NUP42: variants seen among roughly 807,000 people sequenced by gnomAD.
The protein encoded by NUP42 is nucleoporin NUP42.
Under a neutral mutation model 35.9 loss-of-function variants are expected in NUP42, and 47 were observed. The observed-to-expected ratio is 1.31, with a 90% CI of 1.04 to 1.67. NUP42 has a LOEUF of 1.67. Ranked by LOEUF, NUP42 falls within the 40% of genes most tolerant of loss-of-function variation. The pLI, the probability that NUP42 is intolerant of heterozygous loss-of-function variation, is 0.00. For missense variants in NUP42, 514 were observed against 492.2 expected (o/e 1.04, Z -0.42); for synonymous variants, 173 against 173.3 (o/e 1.00, Z 0.01).
chr7:23,190,509 A>C (rs904720876), intron 3 of NUP42, among the ~76,000 whole-genome samples: 1 of 152,236 alleles, frequency 6.6e-6, no homozygotes, highest in East Asian at 1.9e-4. Flanking sequence ...GTAATTATCA[A>C]TGTAAGTAAC....
intron 1 of NUP42, among the ~76,000 whole-genome samples, chr7:23,184,621 T>C (rs1785528118): frequency 6.6e-6 from 1 of 152,218 alleles, no homozygotes; most frequent in East Asian, 1.9e-4. Context: ...AATGAAGAGA[T>C]TGTCATTTAA....
In NUP42 at chr7:23,200,641, A is replaced by G; in HGVS notation, c.1168A>G (p.Arg390Gly). 6.2e-7 allele frequency: 1 copy of G among 1,613,954 alleles called. No homozygotes were observed. The highest frequency in any genetic ancestry group is 8.5e-7 in the Non-Finnish European group (1 of 1,179,904). Residue 390 changes from arginine to glycine, a missense_variant, in exon 7 of 7, where the codon AGA (arginine) becomes GGA (glycine). Coordinates refer to ENST00000258742, the MANE Select transcript of NUP42 (RefSeq NM_007342.3). ...AACAGATAATGTGTTATTCACACCC[A>G]GAGATAAACTAACAGTAGAAGAACT... is the stretch of plus-strand genomic sequence containing the variant. ...IATDNVLFTP[R>G]DKLTVEELEQ... is the part of the protein sequence containing the mutation.
At chr7:23,192,952 G>A (rs576061098) in intron 3 of NUP42, among the ~76,000 whole-genome samples, 37 of 152,128 alleles carry the variant, frequency 2.4e-4, no homozygotes, top group Non-Finnish European at 4.1e-4. Context: ...CATCGTGTCC[G>A]GAGTTTGTTC....
At chr7:23,192,726 T>C (rs1038299902) in intron 3 of NUP42, among the ~76,000 whole-genome samples, 1 of 151,996 alleles carries the variant, frequency 6.6e-6, no homozygotes, top group African/African-American at 2.4e-5. Context: ...AGAAAATCCC[T>C]GTACAAGTGG....
intron 5 of NUP42, among the ~76,000 whole-genome samples, chr7:23,197,786 G>A (rs1786066651): frequency 6.6e-6 from 1 of 150,926 alleles, no homozygotes; most frequent in African/African-American, 2.5e-5. Context: ...GATATAATTT[G>A]TTTATCATCT....
intron 3 of NUP42, among the ~76,000 whole-genome samples, chr7:23,193,718 C>T (rs986103504): frequency 2.0e-5 from 3 of 152,228 alleles, no homozygotes; most frequent in African/African-American, 7.2e-5. Flanking sequence ...GCCAGTCCCG[C>T]GGTGTGTGCC....
chr7:23,187,284 T>C, intron 3 of NUP42, 138 bp downstream of exon 3: 1 of 576,854 alleles, frequency 1.7e-6, no homozygotes, highest in East Asian at 2.9e-5. Context: ...AGTATTCGAG[T>C]ATTCTAGCCA....
chr7:23,195,655 A>G (rs770478166), intron 3 of NUP42, 184 bp from the exon 4 acceptor site: 45 of 482,496 alleles, frequency 9.3e-5, no homozygotes, highest in Non-Finnish European at 1.4e-4. Flanking sequence ...AGAATAACCA[A>G]CTATATTTTA....
At chr7:23,188,071 G>T (rs771226100) in intron 3 of NUP42, 2 of 1,443,172 alleles carry the variant, frequency 1.4e-6, no homozygotes, top group Non-Finnish European at 1.8e-6. Flanking sequence ...AGACCACCGG[G>T]CTTTCCCAAG....
At chr7:23,182,909 C>CAAA (rs572917944) in intron 1 of NUP42, among the ~76,000 whole-genome samples, 3 of 96,764 alleles carry the variant, frequency 3.1e-5, no homozygotes, top group Non-Finnish European at 4.4e-5. Flanking sequence ...GCGAGACTAT[C>CAAA]AAAAAAAAAA....
rs78982097 is a variant in NUP42 at position 23,191,598 on chromosome 7, T to C, written c.446-4241T>C. Among the ~76,000 whole-genome samples the C allele has an allele frequency of 1.0e-3, 153 of 152,330 alleles. 6 individuals carry two copies. The East Asian group carries it at 0.028, about 28-fold the overall frequency. On this transcript the variant is annotated intron_variant, in intron 3 of 6. Transcript: ENST00000258742. Reference sequence around the variant, plus strand: ...TCCTTTACTCTGAAGCAGGTGTCCTTGGAGTTAATAATAACTGGATTACAA... The same window carrying C: ...TCCTTTACTCTGAAGCAGGTGTCCTCGGAGTTAATAATAACTGGATTACAA...
At chr7:23,187,772 A>G (rs962826550) in intron 3 of NUP42, among the ~76,000 whole-genome samples, 1 of 151,108 alleles carries the variant, frequency 6.6e-6, no homozygotes, top group African/African-American at 2.4e-5. Flanking sequence ...ACACCTGGCT[A>G]ATTTTTGTAT....
chr7:23,198,599 C>CA (rs1786099538), intron 5 of NUP42, among the ~76,000 whole-genome samples: 1 of 152,140 alleles, frequency 6.6e-6, no homozygotes, highest in Non-Finnish European at 1.5e-5. Context: ...GGAGCAAATA[C>CA]AAAGTTCCTT....
intron 5 of NUP42, chr7:23,197,218 G>C (rs1395545334): frequency 1.5e-6 from 2 of 1,301,266 alleles, no homozygotes; most frequent in East Asian, 1.1e-4. Flanking sequence ...AAAGATCTAT[G>C]GTCCCGACTG....
At chr7:23,187,480 T>TG (rs963214322) in intron 3 of NUP42, 5 of 183,578 alleles carry the variant, frequency 2.7e-5, no homozygotes, top group Non-Finnish European at 4.5e-5. Context: ...ATTAAGGCCT[T>TG]GGCTGCCTGG....
intron 6 of NUP42, 34 bp downstream of exon 6, chr7:23,199,576 T>A (rs1374940953): frequency 1.2e-5 from 18 of 1,531,776 alleles, no homozygotes; most frequent in Non-Finnish European, 1.6e-5. Flanking sequence ...CTTCACTGAT[T>A]TAGAAAAATT....
chr7:23,182,189 C>CGCA lies in NUP42; in HGVS notation c.113_115dup (p.Gln38dup). On this transcript the variant is annotated inframe_insertion, in exon 1 of 7. Transcript: ENST00000258742. The stretch of plus-strand genomic sequence containing the variant: ...GGTGCAGGAGGAGGACGGCAGCAAC[C>CGCA]GCAGCAGCAGCCTTCAGGTGACTCT... 6.2e-7 allele frequency: 1 copy of CGCA among 1,612,280 alleles called. No individual in the cohort carries two copies. The highest frequency in any genetic ancestry group is 8.5e-7 in the Non-Finnish European group (1 of 1,179,170).
chr7:23,184,555 A>G (rs952095205), intron 1 of NUP42, among the ~76,000 whole-genome samples: 1 of 151,770 alleles, frequency 6.6e-6, no homozygotes, highest in Non-Finnish European at 1.5e-5. Flanking sequence ...CAAAAATGCA[A>G]TTGGCCACTA....
Position 23,199,485 on chromosome 7 carries a change from C to A in NUP42, c.637C>A (p.Gln213Lys). The A allele has an allele frequency of 6.2e-7, 1 of 1,613,860 alleles. No homozygotes were observed. Among genetic ancestry groups the A allele is most frequent in the South Asian group, 1.1e-5 (1 of 91,074 alleles). The change falls in exon 6 of 7, where the codon CAA (glutamine) becomes AAA (lysine). Residue 213 changes from glutamine to lysine, a missense_variant. Physicochemically the swap from Gln to Lys is moderately conservative, Grantham distance 53. Transcript: ENST00000258742. ...CTCTGATGTAAAGGATGGAGTAAAT[C>A]AAGCAGCACCTGCATTTGGATTTGG... ...LLSDVKDGVN[Q>K]AAPAFGFGSS... is the part of the protein sequence containing the mutation.
Sources: allele counts gnomAD v4.1 joint callset (sites outside exome capture counted in the v4.1 genomes callset), GRCh38; gene constraint gnomAD v4.1.1; transcripts MANE v1.5; gene names NCBI Gene and HGNC (gene_info 2026-07-23, HGNC 2026-07-21).